ZNF625: variants seen among roughly 807,000 people sequenced by gnomAD.
ZNF625 encodes zinc finger protein 625.
ZNF625 carries 8 observed loss-of-function variants against 11.1 expected under a neutral mutation model. That is an observed-to-expected ratio of 0.72 (90% confidence interval 0.42 to 1.30). The LOEUF (loss-of-function observed/expected upper bound fraction) is 1.30, where lower values mean the gene tolerates loss of function less well. Among genes scored for constraint, ZNF625 ranks in the 50% most tolerant of loss-of-function variants. ZNF625 has a pLI of 0.01. For synonymous variants in ZNF625, 145 were observed against 153.4 expected, an observed-to-expected ratio of 0.95 and a Z score of 0.41; for missense variants, 349 against 447.6, an observed-to-expected ratio of 0.78 and a Z score of 1.99.
chr19:12,152,702 C>T (rs1464380724), intron 1 of ZNF625, among the ~76,000 whole-genome samples: 1 of 151,754 alleles, frequency 6.6e-6, no homozygotes, highest in Non-Finnish European at 1.5e-5. Flanking sequence ...ATTAGCTGGG[C>T]GTGGTAGCAT....
At chr19:12,147,894 G>A (rs1209006891) in intron 1 of ZNF625, 92 bp from the exon 2 acceptor site, 2 of 1,485,332 alleles carry the variant, frequency 1.3e-6, no homozygotes, top group East Asian at 2.3e-5. Context: ...ATGGTGCTAT[G>A]GACTCCAAAC....
Position 12,153,809 on chromosome 19 carries a change from T to C in ZNF625, c.3+2747A>G, listed in dbSNP as rs1315091403. On this transcript the variant is annotated intron_variant, in intron 1 of 3. Transcript: ENST00000439556. ...ACTTATGTTAGTTTTATATTTCTTT[T>C]TTTTTTTTTTTTTTTTGAGACGGAG... 9.8e-5 allele frequency among the ~76,000 whole-genome samples: 14 copies of C among 143,044 alleles called. No individual in the cohort carries two copies. In the East Asian group the frequency reaches 2.0e-3, roughly 20 times the overall value. 93.8% of individuals were successfully genotyped at this position (143,044 alleles called of 152,430 possible).
chr19:12,153,981 G>C (rs1249369246), intron 1 of ZNF625, among the ~76,000 whole-genome samples: 1 of 151,116 alleles, frequency 6.6e-6, no homozygotes. Context: ...CTAATTTTTT[G>C]TATTTTTAGT....
intron 1 of ZNF625, among the ~76,000 whole-genome samples, chr19:12,149,112 T>A (rs925622287): frequency 1.3e-5 from 2 of 151,666 alleles, no homozygotes; most frequent in African/African-American, 4.8e-5. Context: ...AAACCCCGTC[T>A]CTTCTAAAAA....
chr19:12,153,685 A>AC (rs995285853), intron 1 of ZNF625, among the ~76,000 whole-genome samples: 3 of 147,524 alleles, frequency 2.0e-5, no homozygotes, highest in Non-Finnish European at 4.5e-5. Context: ...CTCTGTGTCA[A>AC]AAAAAAAAAA....
Position 12,156,704 on chromosome 19 carries a change from G to C in ZNF625, c.-146C>G. ...AAACCGAGATCCCGACCTCCCTTTG[G>C]TGCAAGACGCCTGGGAGTCAGGAAA... On this transcript the variant is annotated 5_prime_UTR_variant, in exon 1 of 4. Coordinates refer to ENST00000439556, the MANE Select transcript of ZNF625 (RefSeq NM_145233.4). 2 of 726,728 alleles carry C rather than the reference G, an allele frequency of 2.8e-6. No homozygotes were observed. Among genetic ancestry groups the C allele is most frequent in the Non-Finnish European group, 3.8e-6 (2 of 523,364 alleles). 45.0% of individuals were successfully genotyped at this position (726,728 alleles called of 1,614,324 possible). A position where few individuals can be genotyped will look rare whatever the true frequency, so the allele number is the denominator to read the frequency against.
At position 12,145,782 on chromosome 19, in the gene ZNF625, T is replaced by C. The variant is rs1976861519; in HGVS notation, c.634A>G (p.Thr212Ala). 1 of 1,614,104 alleles carries C rather than the reference T, an allele frequency of 6.2e-7. No homozygotes were observed. The highest frequency in any genetic ancestry group is 8.5e-7 in the Non-Finnish European group (1 of 1,180,044). Residue 212 changes from threonine to alanine, a missense_variant, in exon 4 of 4, where the codon ACT becomes GCT. Coordinates refer to ENST00000439556, the MANE Select transcript of ZNF625 (RefSeq NM_145233.4). The stretch of plus-strand genomic sequence containing the variant: ...TCATATGGTTTCTCTCCAGTGTGAG[T>C]TCGTTTGTGGATAAGATACAAACTG... ...CLSLYLIHKR[T>A]HTGEKPYECK... is the part of the protein sequence containing the mutation.
At position 12,145,541 on chromosome 19, in the gene ZNF625, T is replaced by C. The variant is rs767081402; in HGVS notation, c.875A>G (p.Tyr292Cys). The change falls in exon 4 of 4, where the codon TAT becomes TGT. Residue 292 changes from tyrosine to cysteine, a missense_variant. Coordinates refer to ENST00000439556, the MANE Select transcript of ZNF625 (RefSeq NM_145233.4). ...CTCTCCAGTGTGAGTTCTTTCATGA[T>C]ATCGAACGGAATTGAAAGAAACAAA... is the stretch of plus-strand genomic sequence containing the variant. ...KAFVSFNSVR[Y>C]HERTHTGEKP... The C allele has an allele frequency of 4.4e-6, 7 of 1,607,126 alleles. No homozygotes were observed. Among genetic ancestry groups the C allele is most frequent in the Non-Finnish European group, 6.0e-6 (7 of 1,174,196 alleles).
chr19:12,148,294 C>A (rs1473305261), intron 1 of ZNF625, among the ~76,000 whole-genome samples: 1 of 151,874 alleles, frequency 6.6e-6, no homozygotes, highest in Non-Finnish European at 1.5e-5. Context: ...CCCTACCAAT[C>A]TGACTGATAA....
chr19:12,154,700 G>A (rs772612571), intron 1 of ZNF625, among the ~76,000 whole-genome samples: 3 of 152,092 alleles, frequency 2.0e-5, no homozygotes, highest in Non-Finnish European at 4.4e-5. Flanking sequence ...TTATTCTAAT[G>A]CACCATATAA....
intron 1 of ZNF625, among the ~76,000 whole-genome samples, chr19:12,148,664 C>A (rs952813869): frequency 6.7e-6 from 1 of 149,830 alleles, no homozygotes; most frequent in Non-Finnish European, 1.5e-5. Context: ...CTCTGTCACA[C>A]AGGCTGGAGT....
chr19:12,151,855 G>C (rs1976960986), intron 1 of ZNF625, among the ~76,000 whole-genome samples: 2 of 152,072 alleles, frequency 1.3e-5, no homozygotes, highest in Admixed American at 6.6e-5. Context: ...AAACAGAAAA[G>C]CTTAAATTTT....
At chr19:12,154,094 A>C (rs1976996111) in intron 1 of ZNF625, among the ~76,000 whole-genome samples, 1 of 152,058 alleles carries the variant, frequency 6.6e-6, no homozygotes, top group Admixed American at 6.5e-5. Context: ...GGCGTGAGCC[A>C]CCCCGCCCAG....
chr19:12,147,974 T>C (rs1452306337), intron 1 of ZNF625, among the ~76,000 whole-genome samples, 172 bp from the exon 2 acceptor site: 1 of 152,206 alleles, frequency 6.6e-6, no homozygotes, highest in Non-Finnish European at 1.5e-5. Flanking sequence ...AGAAATTCTT[T>C]TTTTTTAATT....
chr19:12,151,078 T>C (rs555741449), intron 1 of ZNF625, among the ~76,000 whole-genome samples: 1 of 149,962 alleles, frequency 6.7e-6, no homozygotes, highest in East Asian at 2.0e-4. Flanking sequence ...TGAATACTCT[T>C]TGCAATTTAT....
chr19:12,155,029 C>T (rs1977007544), intron 1 of ZNF625, among the ~76,000 whole-genome samples: 2 of 152,028 alleles, frequency 1.3e-5, no homozygotes, highest in Admixed American at 1.3e-4. Flanking sequence ...AGTTTGAGAC[C>T]AGCTTGGCCA....
At chr19:12,147,062 G>A (rs1161091014) in intron 3 of ZNF625, among the ~76,000 whole-genome samples, 1 of 150,778 alleles carries the variant, frequency 6.6e-6, no homozygotes, top group African/African-American at 2.5e-5. Flanking sequence ...TGCCTCCCGG[G>A]TTCATGCCAT....
At chr19:12,154,884 A>G (rs996572703) in intron 1 of ZNF625, among the ~76,000 whole-genome samples, 4 of 152,154 alleles carry the variant, frequency 2.6e-5, no homozygotes, top group African/African-American at 9.7e-5. Context: ...GAGTTTAGAC[A>G]CAGCAACTGA....
rs1568387609 is a variant in ZNF625, at chr19:12,145,318, GC to G, written c.1097del (p.Gly366AlafsTer22). 6.2e-7 allele frequency: 1 copy of G among 1,610,576 alleles called. No individual in the cohort carries two copies. The highest frequency in any genetic ancestry group is 1.1e-5 in the South Asian group (1 of 90,522). On this transcript the variant is annotated frameshift_variant, in exon 4 of 4. Transcript: ENST00000439556. LOFTEE classifies it high-confidence loss of function. ...EKPCSSNTSK[G>X]QGEKIA ...TGAATTAAGCAATCTTCTCGCCTTGGCCTTTCGAAGTGTTGGAGCTACAGGG... is the reference window on the plus strand; with the variant it reads ...TGAATTAAGCAATCTTCTCGCCTTGGCTTTCGAAGTGTTGGAGCTACAGGG...
Sources: gnomAD v4.1 joint callset for allele counts (sites outside exome capture counted in the v4.1 genomes callset) on GRCh38, gnomAD v4.1.1 for gene constraint, MANE v1.5 for transcripts, NCBI Gene and HGNC (gene_info 2026-07-23, HGNC 2026-07-21) for gene names.